ZNF507: variants seen among roughly 807,000 people sequenced by gnomAD.
The protein encoded by ZNF507 is zinc finger protein 507.
ZNF507 carries 29 observed loss-of-function variants against 80.0 expected under a neutral mutation model. The observed-to-expected ratio is 0.36, with a 90% CI of 0.27 to 0.49. The LOEUF (loss-of-function observed/expected upper bound fraction) is 0.49. Ranked by LOEUF, ZNF507 falls within the 20% of genes least tolerant of loss-of-function variation. The pLI is 0.98. For synonymous variants in ZNF507, 462 were observed against 422.5 expected (o/e 1.09, Z -1.15); for missense variants, 1,081 against 1,152.2 (o/e 0.94, Z 0.90).
chr19:32,370,058 C>T (rs71351159), intron 5 of ZNF507, among the ~76,000 whole-genome samples: 13,527 of 152,252 alleles, frequency 0.089, 1,049 homozygotes, highest in East Asian at 0.44. Flanking sequence ...AAGGCAGGCT[C>T]TCCCTTTTTA....
At chr19:32,351,429 G>GTA (rs1967163017) in intron 2 of ZNF507, among the ~76,000 whole-genome samples, 1 of 131,020 alleles carries the variant, frequency 7.6e-6, no homozygotes, top group African/African-American at 3.1e-5. Context: ...CTGTGTGTGT[G>GTA]TGTGTGTGTG....
intron 5 of ZNF507, among the ~76,000 whole-genome samples, chr19:32,378,060 C>T (rs1410566915): frequency 6.6e-6 from 1 of 152,054 alleles, no homozygotes; most frequent in Non-Finnish European, 1.5e-5. Context: ...GCATTAAAAA[C>T]AAGGCAAGTT....
At chr19:32,358,753 G>C (rs1244570745) in intron 4 of ZNF507, 2 of 152,208 alleles carry the variant, frequency 1.3e-5, no homozygotes, top group Non-Finnish European at 2.9e-5. Flanking sequence ...TGGCAGGGCA[G>C]AGATTTTACC....
At chr19:32,351,981 A>C (rs1967174875) in intron 2 of ZNF507, among the ~76,000 whole-genome samples, 1 of 151,912 alleles carries the variant, frequency 6.6e-6, no homozygotes, top group Non-Finnish European at 1.5e-5. Flanking sequence ...CGAACAAATA[A>C]CCTCTTCTAA....
chr19:32,371,322 A>G (rs1485884996), intron 5 of ZNF507, among the ~76,000 whole-genome samples: 1 of 151,850 alleles, frequency 6.6e-6, no homozygotes, highest in Non-Finnish European at 1.5e-5. Context: ...TAAAAATACA[A>G]AATTAGCCAG....
chr19:32,379,312 GTTTTT>G (rs910183621), intron 5 of ZNF507, among the ~76,000 whole-genome samples: 8 of 152,090 alleles, frequency 5.3e-5, no homozygotes, highest in Admixed American at 1.3e-4. Context: ...TAAGGTTAGG[GTTTTT>G]TTGTAGATAA....
intron 5 of ZNF507, among the ~76,000 whole-genome samples, chr19:32,368,169 G>A (rs1443672164): frequency 1.3e-5 from 2 of 152,192 alleles, no homozygotes; most frequent in Non-Finnish European, 2.9e-5. Context: ...CACCAAATCA[G>A]GGTGTGAAAC....
In ZNF507 at chr19:32,353,796, G is replaced by T. The variant is rs1052311044; in HGVS notation, c.966G>T (p.Val322=). ...TGAGTATCCACAATGGGCCATCAGTGCAAGTGCAGATTTGCAGCTCAGAAC... is the reference window on the plus strand; with the variant it reads ...TGAGTATCCACAATGGGCCATCAGTTCAAGTGCAGATTTGCAGCTCAGAAC... ...SELSIHNGPS[V]QVQICSSEQL... The change falls in exon 3 of 7, where the codon GTG becomes GTT. Residue 322 remains valine (V), a synonymous_variant. Coordinates refer to ENST00000355898, the MANE Select transcript of ZNF507 (RefSeq NM_001136156.2). The T allele has an allele frequency of 3.1e-6, 5 of 1,614,084 alleles. No homozygotes were observed. The highest frequency in any genetic ancestry group is 4.2e-6 in the Non-Finnish European group (5 of 1,180,044).
At chr19:32,346,490 A>G (rs908144729) in intron 1 of ZNF507, among the ~76,000 whole-genome samples, 14 of 152,156 alleles carry the variant, frequency 9.2e-5, no homozygotes, top group African/African-American at 3.1e-4. Context: ...TGGATTTATC[A>G]CCTCTTTGAG....
Position 32,375,269 on chromosome 19 carries a change from G to A in ZNF507, c.2361-7198G>A, listed in dbSNP as rs541146388. Among the ~76,000 whole-genome samples, 9 of 152,256 alleles carry A rather than the reference G, an allele frequency of 5.9e-5. No individual in the cohort carries two copies. In the East Asian group the frequency reaches 1.7e-3, roughly 29 times the overall value. ...CTGGCATTTAGTGAGTAGAGGCTAGGGATGCTGCTGGACAACCTGCAGTGC... is the reference window on the plus strand; with the variant it reads ...CTGGCATTTAGTGAGTAGAGGCTAGAGATGCTGCTGGACAACCTGCAGTGC... On this transcript the variant is annotated intron_variant, in intron 5 of 6. Transcript: ENST00000355898.
chr19:32,347,047 T>A (rs1314784819), intron 1 of ZNF507, among the ~76,000 whole-genome samples, 198 bp from the exon 2 acceptor site: 3 of 152,218 alleles, frequency 2.0e-5, no homozygotes, highest in Non-Finnish European at 4.4e-5. Context: ...TTTCCTAACT[T>A]CTGCAAAATC....
chr19:32,369,542 T>A (rs1967441800), intron 5 of ZNF507, among the ~76,000 whole-genome samples: 1 of 152,224 alleles, frequency 6.6e-6, no homozygotes, highest in Non-Finnish European at 1.5e-5. Flanking sequence ...TTACCCTACG[T>A]GGAAATATGA....
chr19:32,380,469 C>T (rs1967609126), intron 5 of ZNF507: 1 of 811,400 alleles, frequency 1.2e-6, no homozygotes, highest in South Asian at 1.5e-5. Flanking sequence ...AATACAGCTG[C>T]ATGCTATCAC....
rs565820255 is a variant in ZNF507, at chr19:32,355,931, G to A, written c.2128-685G>A. On this transcript the variant is annotated intron_variant, in intron 3 of 6. Coordinates refer to ENST00000355898, the MANE Select transcript of ZNF507 (RefSeq NM_001136156.2). ...GGAGAATGGCCTGAACCTGGGAGGC[G>A]GAGCTTGCAGTGAGCCAAGATCATG... is the stretch of plus-strand genomic sequence containing the variant. 1.9e-3 allele frequency among the ~76,000 whole-genome samples: 285 copies of A among 152,130 alleles called. 1 individual carries two copies. Among genetic ancestry groups the A allele is most frequent in the African/African-American group, 6.0e-3 (249 of 41,502 alleles).
rs1289714884 is a variant in ZNF507 at position 32,354,230 on chromosome 19, TAATG to T, written c.1404_1407del (p.Met468IlefsTer27). 1 of 1,613,972 alleles carries T rather than the reference TAATG, an allele frequency of 6.2e-7. No individual in the cohort carries two copies. The highest frequency in any genetic ancestry group is 8.5e-7 in the Non-Finnish European group (1 of 1,180,014). On this transcript the variant is annotated frameshift_variant, in exon 3 of 7. Transcript: ENST00000355898. LOFTEE classifies it high-confidence loss of function. ...AGCAGTTCAGAGAAAAAAGACGAGT[TAATG>T]AATAAAGGCCTGGCTACTGATGAGA...
intron 5 of ZNF507, among the ~76,000 whole-genome samples, chr19:32,361,052 T>G (rs1230727209): frequency 6.6e-6 from 1 of 152,214 alleles, no homozygotes; most frequent in East Asian, 1.9e-4. Flanking sequence ...AATTTTATGT[T>G]TTCATTTCAT....
Position 32,354,164 on chromosome 19 carries a change from A to G in ZNF507, c.1334A>G (p.Asp445Gly), listed in dbSNP as rs1967214979. The stretch of plus-strand genomic sequence containing the variant: ...GGAATGGATGATGTTTATCGTGCTG[A>G]TAAATGTACTGTTGATATTGGGGGA... ...REGMDDVYRA[D>G]KCTVDIGGLI... The change falls in exon 3 of 7, where the codon GAT becomes GGT. Residue 445 changes from aspartate to glycine, a missense_variant. This residue lies in a region of ZNF507 where 614 missense variants were observed against 583.9 expected (regional missense o/e 1.05). Coordinates refer to ENST00000355898, the MANE Select transcript of ZNF507 (RefSeq NM_001136156.2). 4 of 1,613,196 alleles carry G rather than the reference A, an allele frequency of 2.5e-6. No individual in the cohort carries two copies. The highest frequency in any genetic ancestry group is 3.4e-6 in the Non-Finnish European group (4 of 1,180,040).
At chr19:32,380,250 G>T (rs1453315523) in intron 5 of ZNF507, among the ~76,000 whole-genome samples, 2 of 152,106 alleles carry the variant, frequency 1.3e-5, no homozygotes, top group Admixed American at 6.6e-5. Flanking sequence ...TAGCACTTAG[G>T]GAGTATGAGG....
rs1309496018 is a variant in ZNF507 at position 32,353,044 on chromosome 19, C to T, written c.214C>T (p.Arg72Cys). 14 of 1,613,914 alleles carry T rather than the reference C, an allele frequency of 8.7e-6. No individual in the cohort carries two copies. In the African/African-American group the frequency reaches 1.1e-4, roughly 12 times the overall value. ...KCLLIGKKRP[R>C]SSAATHSLET... Reference sequence around the variant, plus strand: ...TCTTTTAATTGGGAAGAAACGCCCACGTTCAAGTGCTGCAACACACTCTCT... The same window carrying T: ...TCTTTTAATTGGGAAGAAACGCCCATGTTCAAGTGCTGCAACACACTCTCT... Residue 72 changes from arginine (R) to cysteine (C), a missense_variant, in exon 3 of 7, where the codon CGT becomes TGT. Arg to Cys is a radical substitution (Grantham distance 180). Transcript: ENST00000355898.
Sources: allele counts gnomAD v4.1 joint callset (sites outside exome capture counted in the v4.1 genomes callset), GRCh38; gene constraint gnomAD v4.1.1; regional missense constraint gnomAD v4.1.1; transcripts MANE v1.5; gene names NCBI Gene and HGNC (gene_info 2026-07-23, HGNC 2026-07-21).